CCPG1: variants seen among roughly 807,000 people sequenced by gnomAD.
CCPG1 encodes the protein cell cycle progression protein 1.
CCPG1 carries 46 observed loss-of-function variants against 81.3 expected under a neutral mutation model. That is an observed-to-expected ratio of 0.57 (90% CI 0.45 to 0.72). The LOEUF is 0.72. Among genes scored for constraint, CCPG1 ranks in the 30% least tolerant of loss-of-function variants. CCPG1 has a pLI of 0.00. For synonymous variants in CCPG1, 330 were observed against 305.2 expected (o/e 1.08, Z -0.85); for missense variants, 902 against 937.6 (o/e 0.96, Z 0.50).
At chr15:55,402,132 C>T (rs1374694030) in intron 1 of CCPG1, among the ~76,000 whole-genome samples, 2 of 152,180 alleles carry the variant, frequency 1.3e-5, no homozygotes, top group Non-Finnish European at 2.9e-5. Context: ...TGGTAGCTTA[C>T]ACTACTTACT....
chr15:55,373,524 T>A (rs2056497467), intron 5 of CCPG1, among the ~76,000 whole-genome samples: 1 of 152,240 alleles, frequency 6.6e-6, no homozygotes, highest in Non-Finnish European at 1.5e-5. Flanking sequence ...ATATTCCTAA[T>A]ATTTAGTGAT....
intron 3 of CCPG1, among the ~76,000 whole-genome samples, chr15:55,378,583 A>G (rs562197589): frequency 1.3e-5 from 2 of 151,796 alleles, no homozygotes; most frequent in South Asian, 4.2e-4. Context: ...ATAATTTTGG[A>G]TAAGAAAATG....
In CCPG1 at chr15:55,359,694, A is replaced by T. The variant is rs909038686; in HGVS notation, c.2079T>A (p.Asp693Glu). The change falls in exon 8 of 9, where the codon GAT becomes GAA. Residue 693 changes from aspartate to glutamate, a missense_variant. Transcript: ENST00000442196. ...TAACAAAGTCAGTGAAGAGCTTCTG[A>T]TCATGTATAAAGACACCGTTTAGGA... is the stretch of plus-strand genomic sequence containing the variant. Reference protein sequence around the residue: ...KFFLNGVFIHDQKLFTDFVND... With the variant: ...KFFLNGVFIHEQKLFTDFVND... The T allele has an allele frequency of 1.9e-6, 3 of 1,613,512 alleles. No homozygotes were observed. In the African/African-American group the frequency reaches 4.0e-5, roughly 22 times the overall value.
chr15:55,378,677 C>T (rs2056615998), intron 3 of CCPG1, among the ~76,000 whole-genome samples: 1 of 151,034 alleles, frequency 6.6e-6, no homozygotes, highest in Non-Finnish European at 1.5e-5. Context: ...TATCTTGGCT[C>T]GCTGCAACCT....
chr15:55,358,758 G>A, intron 8 of CCPG1: 1 of 985,148 alleles, frequency 1.0e-6, no homozygotes, highest in Non-Finnish European at 1.2e-6. Context: ...TTTTTCACTT[G>A]TCTCCTCAAG....
intron 1 of CCPG1, among the ~76,000 whole-genome samples, chr15:55,401,555 T>C (rs897117048): frequency 3.3e-5 from 5 of 151,770 alleles, no homozygotes; most frequent in Non-Finnish European, 7.4e-5. Flanking sequence ...TAATCCCAGC[T>C]ATTCGGGAGG....
At position 55,372,615 on chromosome 15, in the gene CCPG1, T is replaced by C. The variant is rs546039379; in HGVS notation, c.455-571A>G. The C allele has an allele frequency of 9.5e-5, 20 of 210,402 alleles. 1 individual carries two copies. Among genetic ancestry groups the C allele is most frequent in the South Asian group, 6.6e-4 (9 of 13,614 alleles). 13.0% of individuals were successfully genotyped at this position (210,402 alleles called of 1,614,324 possible). On this transcript the variant is annotated intron_variant, in intron 5 of 8. Transcript: ENST00000442196. ...TGGAGGTTGCAGTGAGCTGAGATCCTGCCACTATACTCCAGACTGGGAGAC... is the reference window on the plus strand; with the variant it reads ...TGGAGGTTGCAGTGAGCTGAGATCCCGCCACTATACTCCAGACTGGGAGAC...
rs1021705696 is a variant in CCPG1 at position 55,398,651 on chromosome 15, G to A, written c.-9-9218C>T. Among the ~76,000 whole-genome samples, 5 of 151,646 alleles carry A rather than the reference G, an allele frequency of 3.3e-5. No homozygotes were observed. The East Asian group carries it at 5.8e-4, about 18-fold the overall frequency. ...GGCTGGAGAGCAGTGGCGCGATCTC[G>A]GCTCACTGCAACCTCTGCTTTCCGG... On this transcript the variant is annotated intron_variant, in intron 1 of 8. Transcript: ENST00000442196.
chr15:55,364,859 C>G (rs372981356), intron 7 of CCPG1, among the ~76,000 whole-genome samples: 7 of 152,180 alleles, frequency 4.6e-5, no homozygotes, highest in Admixed American at 2.6e-4. Flanking sequence ...GGCAACAGAG[C>G]GAGACTCCAT....
chr15:55,359,418 G>A (rs1358820934), intron 8 of CCPG1, 121 bp downstream of exon 8: 10 of 1,445,354 alleles, frequency 6.9e-6, no homozygotes, highest in South Asian at 6.8e-5. Flanking sequence ...TTCTCTCAGT[G>A]GCCATAAAGC....
Position 55,355,768 on chromosome 15 carries a change from C to A in CCPG1, c.*452G>T. ...TTCACAAGTCAGAGGGCTCTTGAAC[C>A]CACAAAAAGACAAGAAGTGAGTGTA... On this transcript the variant is annotated 3_prime_UTR_variant, in exon 9 of 9. Coordinates refer to ENST00000442196, the MANE Select transcript of CCPG1 (RefSeq NM_001204450.2). 4.5e-6 allele frequency: 1 copy of A among 224,136 alleles called. No homozygotes were observed. Among genetic ancestry groups the A allele is most frequent in the Non-Finnish European group, 8.6e-6 (1 of 116,326 alleles). The allele number at this position is 224,136 out of a possible 1,614,324, so 13.9% of individuals were successfully genotyped here.
intron 8 of CCPG1, chr15:55,357,075 A>C (rs2056094061): frequency 2.0e-6 from 2 of 985,232 alleles, no homozygotes; most frequent in Admixed American, 1.2e-4. Flanking sequence ...TTCTCCCAGG[A>C]GTCTGATAAA....
Position 55,376,964 on chromosome 15 carries a change from A to T in CCPG1, c.439T>A (p.Cys147Ser), listed in dbSNP as rs750731261. ...GSSSSSQYTF[C>S]QPETVFSSQP... ...GTATTCTTACCAGTTTCTGGCTGAC[A>T]GAAAGTATACTGGCTGCTAGAGGAA... The change falls in exon 5 of 9, where the codon TGT (cysteine) becomes AGT (serine). Residue 147 changes from cysteine (C) to serine (S), a missense_variant. Transcript: ENST00000442196. 10 of 1,613,058 alleles carry T rather than the reference A, an allele frequency of 6.2e-6. No individual in the cohort carries two copies. Among genetic ancestry groups the T allele is most frequent in the Non-Finnish European group, 8.5e-6 (10 of 1,179,690 alleles).
chr15:55,387,653 T>C (rs989747082), intron 2 of CCPG1, among the ~76,000 whole-genome samples: 2 of 151,784 alleles, frequency 1.3e-5, no homozygotes, highest in African/African-American at 4.8e-5. Context: ...CAAGCGATTG[T>C]CCTGCCTCAA....
At chr15:55,372,740 A>T in intron 5 of CCPG1, 1 of 278,846 alleles carries the variant, frequency 3.6e-6, no homozygotes, top group Non-Finnish European at 7.2e-6. Flanking sequence ...CTGTCTCTTC[A>T]TTCAGTTTCA....
chr15:55,365,732 C>T (rs1055097342), intron 6 of CCPG1, among the ~76,000 whole-genome samples: 1 of 151,244 alleles, frequency 6.6e-6, no homozygotes, highest in Non-Finnish European at 1.5e-5. Flanking sequence ...GTAATCTTGA[C>T]AATCATTTCA....
intron 1 of CCPG1, among the ~76,000 whole-genome samples, chr15:55,389,694 T>G (rs974245887): frequency 1.1e-4 from 16 of 152,176 alleles, no homozygotes; most frequent in South Asian, 6.2e-4. Flanking sequence ...GAGAAAGTTA[T>G]GTCTAAAAGA....
At chr15:55,387,608 G>A (rs1408650936) in intron 2 of CCPG1, among the ~76,000 whole-genome samples, 4 of 151,170 alleles carry the variant, frequency 2.6e-5, no homozygotes, top group East Asian at 4.0e-4. Flanking sequence ...GCAATGGCAC[G>A]AACTCTGCTC....
At chr15:55,377,228 G>GT (rs1178368015) in intron 4 of CCPG1, 78 bp from the exon 5 acceptor site, 2 of 971,196 alleles carry the variant, frequency 2.1e-6, no homozygotes, top group African/African-American at 3.3e-5. Context: ...TACAACAGTA[G>GT]TAAGTATTAT....
Sources: gnomAD v4.1 joint callset for allele counts (sites outside exome capture counted in the v4.1 genomes callset) on GRCh38, gnomAD v4.1.1 for gene constraint, MANE v1.5 for transcripts, NCBI Gene and HGNC (gene_info 2026-07-23, HGNC 2026-07-21) for gene names.